Variants in HCRTR2 observed in about 807,000 individuals in gnomAD.
HCRTR2 encodes orexin receptor type 2.
HCRTR2 carries 22 observed loss-of-function variants against 49.0 expected under a neutral mutation model. That is an observed-to-expected ratio of 0.45 (90% CI 0.32 to 0.64). The LOEUF (loss-of-function observed/expected upper bound fraction) is 0.64. Among genes scored for constraint, HCRTR2 ranks in the 30% least tolerant of loss-of-function variants. The probability of loss-of-function intolerance (pLI) is 0.04; values close to 1 mark genes in which losing one functional copy is unlikely to be tolerated. For missense variants in HCRTR2, 491 were observed against 559.4 expected (o/e 0.88, Z 1.23); for synonymous variants, 236 against 205.3 (o/e 1.15, Z -1.28).
chr6:55,269,702 A>T (rs1766934429), intron 4 of HCRTR2, among the ~76,000 whole-genome samples: 1 of 152,138 alleles, frequency 6.6e-6, no homozygotes, highest in Non-Finnish European at 1.5e-5. Context: ...TTATGCCTGT[A>T]ATCTCAACAC....
intron 3 of HCRTR2, among the ~76,000 whole-genome samples, chr6:55,256,419 G>A (rs892063325): frequency 2.6e-5 from 4 of 151,734 alleles, no homozygotes; most frequent in East Asian, 1.9e-4. Flanking sequence ...CTAGAACACC[G>A]AAAGGAAAAA....
intron 1 of HCRTR2, among the ~76,000 whole-genome samples, chr6:55,197,226 C>G (rs1040263490): frequency 3.3e-5 from 5 of 152,104 alleles, no homozygotes; most frequent in Non-Finnish European, 1.5e-5. Flanking sequence ...AACCACAAAC[C>G]TACTTCTAAC....
At chr6:55,148,291 G>A (rs995923234) in intron 1 of HCRTR2, among the ~76,000 whole-genome samples, 1 of 151,958 alleles carries the variant, frequency 6.6e-6, no homozygotes, top group Non-Finnish European at 1.5e-5. Flanking sequence ...TGTGGGAACT[G>A]TATCAATCTC....
At chr6:55,195,675 A>T (rs1180673308) in intron 1 of HCRTR2, among the ~76,000 whole-genome samples, 5 of 152,104 alleles carry the variant, frequency 3.3e-5, no homozygotes, top group Non-Finnish European at 7.4e-5. Flanking sequence ...ATGCTTATAT[A>T]AAAACAGTAT....
intron 1 of HCRTR2, among the ~76,000 whole-genome samples, chr6:55,132,059 A>C (rs1261521348): frequency 1.3e-5 from 2 of 151,856 alleles, no homozygotes; most frequent in African/African-American, 2.4e-5. Flanking sequence ...GTTTGTGGCC[A>C]ATTCTAAACA....
chr6:55,119,392 C>A (rs1455142735), intron 1 of HCRTR2, among the ~76,000 whole-genome samples: 1 of 152,130 alleles, frequency 6.6e-6, no homozygotes, highest in Non-Finnish European at 1.5e-5. Context: ...ACTTACACTG[C>A]CACCAACAGT....
At chr6:55,110,142 T>C (rs1401641967) in intron 1 of HCRTR2, among the ~76,000 whole-genome samples, 1 of 152,106 alleles carries the variant, frequency 6.6e-6, no homozygotes, top group Non-Finnish European at 1.5e-5. Context: ...AAAGGAAAGA[T>C]AGTCTTTTCC....
intron 1 of HCRTR2, among the ~76,000 whole-genome samples, chr6:55,114,591 T>C (rs762833748): frequency 1.3e-5 from 2 of 151,822 alleles, no homozygotes; most frequent in Non-Finnish European, 2.9e-5. Flanking sequence ...TCCACCTACC[T>C]TGCACAAAAA....
At chr6:55,188,938 A>T (rs1250213904) in intron 1 of HCRTR2, among the ~76,000 whole-genome samples, 1 of 152,238 alleles carries the variant, frequency 6.6e-6, no homozygotes, top group Non-Finnish European at 1.5e-5. Context: ...AATTCCACCT[A>T]CATTGGTGAA....
chr6:55,210,356 C>T (rs1371987371), intron 1 of HCRTR2, among the ~76,000 whole-genome samples: 1 of 152,046 alleles, frequency 6.6e-6, no homozygotes, highest in Admixed American at 6.6e-5. Context: ...GGGACTTGCT[C>T]TCCAAACACA....
intron 1 of HCRTR2, among the ~76,000 whole-genome samples, chr6:55,195,781 G>A (rs910948377): frequency 3.3e-5 from 5 of 151,946 alleles, no homozygotes; most frequent in African/African-American, 1.2e-4. Context: ...ACCATCCTGT[G>A]AATGGTGAAA....
chr6:55,174,864 G>A (rs1031806769), intron 1 of HCRTR2, 54 bp downstream of exon 1: 99 of 1,447,520 alleles, frequency 6.8e-5, no homozygotes, highest in South Asian at 9.1e-5. Flanking sequence ...TCTCCGCCCC[G>A]GGCTGAGAAG....
At position 55,136,721 on chromosome 6, in the gene HCRTR2, T is replaced by C. The variant is rs145488411; in HGVS notation, c.-378+30176T>C. 2.0e-3 allele frequency among the ~76,000 whole-genome samples: 298 copies of C among 152,308 alleles called. 1 individual carries two copies. The highest frequency in any genetic ancestry group is 6.7e-3 in the African/African-American group (280 of 41,562). ...CCAATTCCTGTGCACCTTTGACTAT[T>C]GCCTTAAAATTTTTAATTAGGATAA... On this transcript the variant is annotated intron_variant, in intron 1 of 7. Coordinates refer to the HCRTR2 transcript ENST00000615358.
intron 1 of HCRTR2, among the ~76,000 whole-genome samples, chr6:55,206,961 C>G (rs942160678): frequency 3.3e-5 from 5 of 152,026 alleles, no homozygotes; most frequent in African/African-American, 9.7e-5. Flanking sequence ...TTATATTCCT[C>G]TCTTTACAAT....
intron 4 of HCRTR2, among the ~76,000 whole-genome samples, chr6:55,269,222 A>G (rs1581868722): frequency 6.6e-6 from 1 of 152,190 alleles, no homozygotes; most frequent in Non-Finnish European, 1.5e-5. Flanking sequence ...AGAAGAATGC[A>G]TATTTATCCC....
chr6:55,143,750 T>A (rs983167018), intron 1 of HCRTR2, among the ~76,000 whole-genome samples: 1 of 149,164 alleles, frequency 6.7e-6, no homozygotes, highest in African/African-American at 2.5e-5. Flanking sequence ...CATAGAAAAA[T>A]GAGGCATACT....
At chr6:55,178,807 GC>G (rs1412939296) in intron 1 of HCRTR2, among the ~76,000 whole-genome samples, 1 of 152,166 alleles carries the variant, frequency 6.6e-6, no homozygotes, top group African/African-American at 2.4e-5. Flanking sequence ...TTAAATGAAA[GC>G]CATTCCTAAC....
chr6:55,219,526 A>G (rs1445167293), intron 1 of HCRTR2, among the ~76,000 whole-genome samples: 1 of 152,168 alleles, frequency 6.6e-6, no homozygotes, highest in Non-Finnish European at 1.5e-5. Context: ...AAATAAAAAG[A>G]CAACATATCC....
upstream of HCRTR2, chr6:55,174,415 GT>G: frequency 1.5e-6 from 1 of 666,826 alleles, no homozygotes; most frequent in Non-Finnish European, 2.7e-6. Context: ...CACCGCAGAA[GT>G]TGCCCGGCAG....
Sources: allele counts gnomAD v4.1 joint callset (sites outside exome capture counted in the v4.1 genomes callset), GRCh38; gene constraint gnomAD v4.1.1; transcripts MANE v1.5; gene names NCBI Gene and HGNC (gene_info 2026-07-23, HGNC 2026-07-21).